CORO1C: variants seen among roughly 807,000 people sequenced by gnomAD.
CORO1C encodes coronin 1C.
CORO1C carries 14 observed loss-of-function variants against 51.2 expected under a neutral mutation model. The observed-to-expected ratio is 0.27, with a 90% CI of 0.18 to 0.43. CORO1C has a LOEUF of 0.43. Ranked by LOEUF, CORO1C falls within the 20% of genes least tolerant of loss-of-function variation. CORO1C has a pLI of 1.00. For synonymous variants in CORO1C, 181 were observed against 210.5 expected, an observed-to-expected ratio of 0.86 and a Z score of 1.21; for missense variants, 417 against 607.8, an observed-to-expected ratio of 0.69 and a Z score of 3.30.
chr12:108,709,725 G>GA (rs920295500), intron 1 of CORO1C, among the ~76,000 whole-genome samples: 22 of 148,884 alleles, frequency 1.5e-4, no homozygotes, highest in Non-Finnish European at 2.2e-4. Context: ...TCTCAAAAAA[G>GA]AAAAAAAAAG....
At chr12:108,729,228 T>C (rs977090236) in intron 1 of CORO1C, among the ~76,000 whole-genome samples, 1 of 152,172 alleles carries the variant, frequency 6.6e-6, no homozygotes, top group Non-Finnish European at 1.5e-5. Flanking sequence ...ATAAAACTTT[T>C]ATCAAAAAAT....
intron 3 of CORO1C, among the ~76,000 whole-genome samples, chr12:108,670,423 C>T (rs573485838): frequency 2.6e-5 from 4 of 152,172 alleles, no homozygotes; most frequent in Admixed American, 1.3e-4. Context: ...TCACCCACAG[C>T]GGGCTCCCTT....
rs1194175480 is a variant in CORO1C at position 108,647,009 on chromosome 12, T to C, written c.*394A>G. On this transcript the variant is annotated 3_prime_UTR_variant, in exon 11 of 11. Transcript: ENST00000261401. The stretch of plus-strand genomic sequence containing the variant: ...GGCAACATTAAAAAAGAAAGAAATA[T>C]AAAAAGCAATGTGGCATTGGTCCCT... 6.4e-6 allele frequency: 1 copy of C among 155,720 alleles called. No individual in the cohort carries two copies. Among genetic ancestry groups the C allele is most frequent in the Non-Finnish European group, 1.4e-5 (1 of 72,280 alleles). The allele number at this position is 155,720 out of a possible 1,614,324, so 9.6% of individuals were successfully genotyped here.
intron 1 of CORO1C, among the ~76,000 whole-genome samples, chr12:108,717,319 C>G (rs1378505043): frequency 6.6e-6 from 1 of 152,212 alleles, no homozygotes; most frequent in Non-Finnish European, 1.5e-5. Flanking sequence ...TCAGCAGAAC[C>G]CGGATCACAG....
chr12:108,698,308 T>A (rs2034755808), intron 2 of CORO1C, among the ~76,000 whole-genome samples: 1 of 152,258 alleles, frequency 6.6e-6, no homozygotes. Context: ...TTTGCTGAAT[T>A]TTGAGTACAC....
At chr12:108,723,231 G>A (rs759627552) in intron 1 of CORO1C, among the ~76,000 whole-genome samples, 1 of 152,178 alleles carries the variant, frequency 6.6e-6, no homozygotes, top group Non-Finnish European at 1.5e-5. Context: ...ACTTTCACGT[G>A]TGTTCCTCAG....
At position 108,652,281 on chromosome 12, in the gene CORO1C, T is replaced by C; in HGVS notation, c.992A>G (p.Glu331Gly). ...PKRGLDVNKC[E>G]IARFFKLHER... ...AATCTCGATTCTTTACCTGGCAATC[T>C]CACATTTGTTAACATCAAGTCCCCT... The change falls in exon 8 of 11, where the codon GAG (glutamate) becomes GGG (glycine). Residue 331 changes from glutamate (E) to glycine (G), a missense_variant. Coordinates refer to ENST00000261401, the MANE Select transcript of CORO1C (RefSeq NM_014325.4). 1 of 1,613,028 alleles carries C rather than the reference T, an allele frequency of 6.2e-7. No individual in the cohort carries two copies. The highest frequency in any genetic ancestry group is 8.5e-7 in the Non-Finnish European group (1 of 1,179,490).
intron 3 of CORO1C, among the ~76,000 whole-genome samples, chr12:108,665,926 C>A (rs1392662839): frequency 6.6e-6 from 1 of 152,188 alleles, no homozygotes; most frequent in Non-Finnish European, 1.5e-5. Flanking sequence ...AACATGGTAA[C>A]ATGAAACTGA....
At chr12:108,686,593 T>TA in intron 2 of CORO1C, among the ~76,000 whole-genome samples, 1 of 152,364 alleles carries the variant, frequency 6.6e-6, no homozygotes, top group South Asian at 2.1e-4. Flanking sequence ...TTGCTTTAAA[T>TA]AAATTTTGAT....
chr12:108,704,689 G>A (rs1035956821), intron 1 of CORO1C, among the ~76,000 whole-genome samples: 6 of 152,154 alleles, frequency 3.9e-5, no homozygotes, highest in African/African-American at 1.4e-4. Flanking sequence ...TCACTTCCAA[G>A]GTCAAATCTG....
intron 6 of CORO1C, among the ~76,000 whole-genome samples, chr12:108,656,861 A>C (rs564650689): frequency 2.6e-5 from 4 of 152,254 alleles, no homozygotes; most frequent in African/African-American, 7.2e-5. Context: ...CATGCTCGTT[A>C]AGAGTCATCA....
chr12:108,688,082 T>C (rs1275017089), intron 2 of CORO1C, among the ~76,000 whole-genome samples: 1 of 151,808 alleles, frequency 6.6e-6, no homozygotes, highest in African/African-American at 2.4e-5. Flanking sequence ...CGCCACCACG[T>C]CCAGCTAATT....
chr12:108,731,105 G>C lies in CORO1C; in HGVS notation c.-6+324C>G, dbSNP rs1166162482. 2.0e-5 allele frequency: 3 copies of C among 153,236 alleles called. No individual in the cohort carries two copies. Among genetic ancestry groups the C allele is most frequent in the Non-Finnish European group, 2.9e-5 (2 of 68,888 alleles). 9.5% of individuals were successfully genotyped at this position (153,236 alleles called of 1,614,324 possible). On this transcript the variant is annotated intron_variant, in intron 1 of 10. Coordinates refer to ENST00000261401, the MANE Select transcript of CORO1C (RefSeq NM_014325.4). This position sits in a 1 kb window ranked among gnomAD's most constrained non-coding sequence, Gnocchi z 5.2. ...TCCCTGGGCAGCCTCGTCCCACCTC[G>C]GCCCGCGGCTCCGCACCCGGCCAGG...
chr12:108,709,422 C>G (rs886896470), intron 1 of CORO1C, among the ~76,000 whole-genome samples: 11 of 152,158 alleles, frequency 7.2e-5, no homozygotes, highest in African/African-American at 2.7e-4. Flanking sequence ...TTTATGTTCT[C>G]CCATTTCAGC....
At chr12:108,663,060 A>C (rs933921365) in intron 3 of CORO1C, among the ~76,000 whole-genome samples, 1 of 152,260 alleles carries the variant, frequency 6.6e-6, no homozygotes, top group African/African-American at 2.4e-5. Flanking sequence ...GCGAAAAAGC[A>C]CATGAAAAGA....
At chr12:108,702,717 C>T in intron 1 of CORO1C, 1 of 1,389,798 alleles carries the variant, frequency 7.2e-7, no homozygotes, top group Non-Finnish European at 9.4e-7. Flanking sequence ...TAATTCCTTT[C>T]CTCTAATTCC....
chr12:108,676,768 T>TC (rs1166561714), intron 3 of CORO1C, among the ~76,000 whole-genome samples: 3 of 118,350 alleles, frequency 2.5e-5, no homozygotes, highest in Non-Finnish European at 5.6e-5. Flanking sequence ...TGAGACTCCA[T>TC]CCCAAAAAAA....
intron 1 of CORO1C, among the ~76,000 whole-genome samples, chr12:108,713,487 CA>C (rs1202611849): frequency 6.6e-6 from 1 of 152,164 alleles, no homozygotes; most frequent in Non-Finnish European, 1.5e-5. Context: ...AGTAAAAATG[CA>C]TTTTGTTTCA....
intron 1 of CORO1C, among the ~76,000 whole-genome samples, chr12:108,702,253 G>C (rs915213490): frequency 2.6e-5 from 4 of 152,200 alleles, no homozygotes; most frequent in East Asian, 3.9e-4. Flanking sequence ...TGGGACCTAG[G>C]AAAGGAAAAA....
Sources: gnomAD v4.1 joint callset for allele counts (sites outside exome capture counted in the v4.1 genomes callset) on GRCh38, gnomAD v4.1.1 for gene constraint, Gnocchi (gnomAD v3.1) non-coding constraint, MANE v1.5 for transcripts, NCBI Gene and HGNC (gene_info 2026-07-23, HGNC 2026-07-21) for gene names.